The following C4orf51 variants were observed in gnomAD, a reference collection of about 807,000 sequenced individuals.
The protein encoded by C4orf51 is chromosome 4 open reading frame 51.
In C4orf51, 25 loss-of-function variants were observed where a neutral mutation model predicts 25.2. The observed-to-expected ratio is 0.99, with a 90% CI of 0.72 to 1.39. The LOEUF is 1.39. Among genes scored for constraint, C4orf51 ranks in the 40% most tolerant of loss-of-function variants. C4orf51 has a pLI of 0.00. For synonymous variants in C4orf51, 100 were observed against 84.5 expected, an observed-to-expected ratio of 1.18 and a Z score of -1.01; for missense variants, 252 against 239.6, an observed-to-expected ratio of 1.05 and a Z score of -0.34.
chr4:145,735,088 G>C (rs1434569282), downstream of C4orf51, among the ~76,000 whole-genome samples: 1 of 152,180 alleles, frequency 6.6e-6, no homozygotes, highest in Non-Finnish European at 1.5e-5. Context: ...AAGTTGCAAC[G>C]TGACATGAAA....
In C4orf51 at chr4:145,762,964, C is replaced by T. The variant is rs1560884320; in HGVS notation, n.167-8024C>T. The T allele has an allele frequency of 2.2e-6, 2 of 895,950 alleles. No homozygotes were observed. Among genetic ancestry groups the T allele is most frequent in the South Asian group, 1.7e-5 (1 of 59,966 alleles). The allele number at this position is 895,950 out of a possible 1,614,324, so 55.5% of individuals were successfully genotyped here. On this transcript the variant is annotated intron_variant and non_coding_transcript_variant, in intron 1 of 1. Coordinates refer to the C4orf51 transcript ENST00000510096. This position sits in a 1 kb window ranked among gnomAD's most constrained non-coding sequence, Gnocchi z 4.9. Reference sequence around the variant, plus strand: ...CACAACCAAGTGCACCGTGCACGGCCTCCTCAGCGCCAAGCTCGCCGTTAG... The same window carrying T: ...CACAACCAAGTGCACCGTGCACGGCTTCCTCAGCGCCAAGCTCGCCGTTAG...
the C4orf51 span, among the ~76,000 whole-genome samples, chr4:145,789,020 T>C: frequency 3.3e-5 from 5 of 152,216 alleles, no homozygotes; most frequent in Non-Finnish European, 7.3e-5. Flanking sequence ...TCATGAAACA[T>C]AGTTCTAGAC....
In C4orf51 at chr4:145,765,281, C is replaced by T; in HGVS notation, n.167-5707C>T. 2 of 1,167,072 alleles carry T rather than the reference C, an allele frequency of 1.7e-6. No individual in the cohort carries two copies. Among genetic ancestry groups the T allele is most frequent in the Non-Finnish European group, 1.2e-6 (1 of 848,424 alleles). The allele number at this position is 1,167,072 out of a possible 1,614,324, so 72.3% of individuals were successfully genotyped here. ...CCTCCTCCGACGCCTGACAGCTATA[C>T]CCTTCCAGGCACTGTTCCCCATATC... On this transcript the variant is annotated intron_variant and non_coding_transcript_variant, in intron 1 of 1. Transcript: ENST00000510096. This position sits in a 1 kb window ranked among gnomAD's most constrained non-coding sequence, Gnocchi z 4.7.
At chr4:145,744,550 G>A (rs1385803211) in intron 1 of C4orf51, among the ~76,000 whole-genome samples, 2 of 151,198 alleles carry the variant, frequency 1.3e-5, no homozygotes, top group African/African-American at 2.4e-5. Context: ...GGCTGGGCGC[G>A]GTGGCTCACA....
chr4:145,693,778 T>A (rs113149723), intron 1 of C4orf51, among the ~76,000 whole-genome samples: 116 of 67,150 alleles, frequency 1.7e-3, no homozygotes, highest in Non-Finnish European at 1.9e-3. Context: ...CACTTCCCAG[T>A]AGGGGCGGCC....
chr4:145,707,352 G>T (rs1344271856), intron 2 of C4orf51, among the ~76,000 whole-genome samples: 4 of 152,162 alleles, frequency 2.6e-5, no homozygotes, highest in Non-Finnish European at 5.9e-5. Context: ...GATTTGTACT[G>T]CATGTTGCTT....
At chr4:145,748,163 A>G (rs2126805290) in intron 1 of C4orf51, among the ~76,000 whole-genome samples, 1 of 152,036 alleles carries the variant, frequency 6.6e-6, no homozygotes, top group South Asian at 2.1e-4. Flanking sequence ...TGGATTTTCC[A>G]ATTTACGGGT....
At chr4:145,697,713 A>C (rs1190065356) in intron 2 of C4orf51, among the ~76,000 whole-genome samples, 1 of 152,152 alleles carries the variant, frequency 6.6e-6, no homozygotes, top group African/African-American at 2.4e-5. Flanking sequence ...AGGCTGAATA[A>C]TTTTCCATTG....
intron 1 of C4orf51, chr4:145,764,785 TC>T (rs748716616): frequency 1.3e-4 from 84 of 651,502 alleles, no homozygotes; most frequent in Non-Finnish European, 2.0e-4. Flanking sequence ...AAATGGATTC[TC>T]CTACTGACAT....
chr4:145,696,659 G>A (rs770513396), intron 2 of C4orf51, 27 bp downstream of exon 2: 1 of 1,557,206 alleles, frequency 6.4e-7, no homozygotes, highest in Non-Finnish European at 8.8e-7. Flanking sequence ...CAGTTTCTGG[G>A]CCCAGCCCTT....
chr4:145,733,185 C>A (rs568755208), downstream of C4orf51, among the ~76,000 whole-genome samples: 1 of 152,034 alleles, frequency 6.6e-6, no homozygotes. Flanking sequence ...CTCCCCGGTC[C>A]GCCTCTTCCC....
intron 1 of C4orf51, among the ~76,000 whole-genome samples, chr4:145,745,017 TTCA>T (rs1733295630): frequency 6.6e-6 from 1 of 152,214 alleles, no homozygotes; most frequent in Admixed American, 6.5e-5. Context: ...TTCATACATT[TTCA>T]TCAATCTGTT....
rs140791448 is a variant in C4orf51, at chr4:145,683,151, C to T, written c.233+2715C>T. On this transcript the variant is annotated intron_variant, in intron 1 of 5. Coordinates refer to ENST00000438731, the MANE Select transcript of C4orf51 (RefSeq NM_001080531.3). Reference sequence around the variant, plus strand: ...TAAATAAAAAACATAATACCATATACACTAGCATCTCCCAAAATTAAACAC... The same window carrying T: ...TAAATAAAAAACATAATACCATATATACTAGCATCTCCCAAAATTAAACAC... Among the ~76,000 whole-genome samples, 774 of 152,206 alleles carry T rather than the reference C, an allele frequency of 5.1e-3. 3 individuals are homozygous for T. The highest frequency in any genetic ancestry group is 0.017 in the African/African-American group (708 of 41,532).
At chr4:145,704,191 G>A (rs982902447) in intron 2 of C4orf51, among the ~76,000 whole-genome samples, 1 of 152,132 alleles carries the variant, frequency 6.6e-6, no homozygotes, top group Non-Finnish European at 1.5e-5. Flanking sequence ...GATGGTAAAT[G>A]TTTCTTTTCA....
At chr4:145,773,297 A>T (rs375496688), downstream of C4orf51, among the ~76,000 whole-genome samples, 1 of 152,206 alleles carries the variant, frequency 6.6e-6, no homozygotes, top group Non-Finnish European at 1.5e-5. Context: ...CTCACTTGGC[A>T]TAACGGCTCT....
Position 145,763,192 on chromosome 4 carries a change from C to A in C4orf51, n.167-7796C>A. 6.8e-7 allele frequency: 1 copy of A among 1,471,638 alleles called. No individual in the cohort carries two copies. Among genetic ancestry groups the A allele is most frequent in the Non-Finnish European group, 9.1e-7 (1 of 1,096,258 alleles). The allele number at this position is 1,471,638 out of a possible 1,614,324, so 91.2% of individuals were successfully genotyped here. On this transcript the variant is annotated intron_variant and non_coding_transcript_variant, in intron 1 of 1. Coordinates refer to the C4orf51 transcript ENST00000510096. This position sits in a 1 kb window ranked among gnomAD's most constrained non-coding sequence, Gnocchi z 4.6. Reference sequence around the variant, plus strand: ...TTATGAACAGGATATAGAGTACAAGCAGTTCCATCACAGAAAAGCAATTTA... The same window carrying A: ...TTATGAACAGGATATAGAGTACAAGAAGTTCCATCACAGAAAAGCAATTTA...
chr4:145,706,845 C>T (rs1250141726), intron 2 of C4orf51, among the ~76,000 whole-genome samples: 4 of 143,076 alleles, frequency 2.8e-5, no homozygotes, highest in Non-Finnish European at 4.5e-5. Flanking sequence ...GAGTTTCCCT[C>T]TTGTCGCCCA....
At position 145,762,108 on chromosome 4, in the gene C4orf51, A is replaced by T. The variant is rs1043334507; in HGVS notation, n.167-8880A>T. On this transcript the variant is annotated intron_variant and non_coding_transcript_variant, in intron 1 of 1. Transcript: ENST00000510096. The surrounding 1 kb of genome is among the most constrained non-coding windows in gnomAD (Gnocchi z 4.9). The stretch of plus-strand genomic sequence containing the variant: ...TATAGGGGGAGCGCTACCTCCAGCA[A>T]ACAGAAAGTCACAGGGGTCAGAATC... 6.6e-6 allele frequency among the ~76,000 whole-genome samples: 1 copy of T among 152,180 alleles called. No homozygotes were observed. Among genetic ancestry groups the T allele is most frequent in the South Asian group, 2.1e-4 (1 of 4,822 alleles).
At chr4:145,737,340 C>T (rs1452517943), downstream of C4orf51, among the ~76,000 whole-genome samples, 1 of 152,164 alleles carries the variant, frequency 6.6e-6, no homozygotes, top group East Asian at 1.9e-4. Flanking sequence ...AAGCATTTTG[C>T]AAACTATAGT....
Sources: allele counts gnomAD v4.1 joint callset (sites outside exome capture counted in the v4.1 genomes callset), GRCh38; gene constraint gnomAD v4.1.1; non-coding constraint Gnocchi (gnomAD v3.1); transcripts MANE v1.5; gene names NCBI Gene and HGNC (gene_info 2026-07-23, HGNC 2026-07-21).